HIPK1: variants seen among roughly 807,000 people sequenced by gnomAD.
HIPK1 encodes homeodomain interacting protein kinase 1.
HIPK1 carries 28 observed loss-of-function variants against 117.1 expected under a neutral mutation model. The ratio of observed to expected loss-of-function variants is 0.24; its 90% confidence interval spans 0.18 to 0.33. The LOEUF (loss-of-function observed/expected upper bound fraction) is 0.33, where lower values mean the gene tolerates loss of function less well. Ranked by LOEUF, HIPK1 falls within the 10% of genes least tolerant of loss-of-function variation. HIPK1 has a pLI of 1.00. For missense variants in HIPK1, 1,122 were observed against 1,475.1 expected (o/e 0.76, Z 3.92); for synonymous variants, 605 against 562.5 (o/e 1.08, Z -1.07).
chr1:113,975,437 ATTCAGGAAGCAGGTG>A lies in HIPK1; in HGVS notation c.*1926_*1940del, dbSNP rs1558154586. ...GCGTTGCTACCTTGCTTCTGTGAGAATTCAGGAAGCAGGTGAGAGGAGTCAAGCCAATATTAAATA... is the reference window on the plus strand; with the variant it reads ...GCGTTGCTACCTTGCTTCTGTGAGAAAGAGGAGTCAAGCCAATATTAAATA... On this transcript the variant is annotated 3_prime_UTR_variant, in exon 16 of 16. Transcript: ENST00000426820. 1 of 152,744 alleles carries A rather than the reference ATTCAGGAAGCAGGTG, an allele frequency of 6.5e-6. No homozygotes were observed. The highest frequency in any genetic ancestry group is 1.5e-5 in the Non-Finnish European group (1 of 68,032). The allele number at this position is 152,744 out of a possible 1,614,324, so 9.5% of individuals were successfully genotyped here. A position where few individuals can be genotyped will look rare whatever the true frequency, so the allele number is the denominator to read the frequency against.
At chr1:113,952,986 G>C in intron 3 of HIPK1, 97 bp downstream of exon 3, 6 of 1,148,182 alleles carry the variant, frequency 5.2e-6, no homozygotes, top group Non-Finnish European at 6.8e-6. Flanking sequence ...GAAGTATTTA[G>C]ATAATAGGGA....
Position 113,946,430 on chromosome 1 carries a change from G to A in HIPK1, c.1076+4971G>A, listed in dbSNP as rs2101224628. Among the ~76,000 whole-genome samples the A allele has an allele frequency of 1.3e-5, 2 of 152,284 alleles. 1 individual carries two copies. The highest frequency in any genetic ancestry group is 4.1e-4 in the South Asian group (2 of 4,824). On this transcript the variant is annotated intron_variant, in intron 2 of 15. Transcript: ENST00000426820. ...ACAGAGTAGTTTTTAAATTGAAAAA[G>A]GGAGAGCAATAGGAGATAAAAATTA...
chr1:113,944,248 T>C (rs1012264342), intron 2 of HIPK1, among the ~76,000 whole-genome samples: 2 of 131,452 alleles, frequency 1.5e-5, no homozygotes, highest in Non-Finnish European at 3.1e-5. Context: ...CTCGGCTCAC[T>C]GCAGCCTCTG....
At chr1:113,949,191 G>T (rs887628366) in intron 2 of HIPK1, among the ~76,000 whole-genome samples, 4 of 152,170 alleles carry the variant, frequency 2.6e-5, no homozygotes, top group Admixed American at 6.5e-5. Context: ...GCCATTCTCT[G>T]TGACCTACCT....
At chr1:113,970,936 A>G (rs1571733614) in intron 14 of HIPK1, among the ~76,000 whole-genome samples, 1 of 152,224 alleles carries the variant, frequency 6.6e-6, no homozygotes, top group East Asian at 1.9e-4. Flanking sequence ...TGCTTCTCAC[A>G]TGGCCCCACC....
chr1:113,931,456 A>T (rs896927686), intron 1 of HIPK1, among the ~76,000 whole-genome samples: 4 of 152,190 alleles, frequency 2.6e-5, no homozygotes, highest in Admixed American at 6.5e-5. Flanking sequence ...AAGCCAGTAA[A>T]GTATCTTAGA....
chr1:113,963,019 G>GTATATTT (rs1390390827), intron 9 of HIPK1, among the ~76,000 whole-genome samples: 1 of 152,150 alleles, frequency 6.6e-6, no homozygotes, highest in African/African-American at 2.4e-5. Context: ...GCAACAAACA[G>GTATATTT]TATATTTTAT....
Position 113,963,513 on chromosome 1 carries a change from G to T in HIPK1, c.2230G>T (p.Ala744Ser), listed in dbSNP as rs755796872. 6.2e-7 allele frequency: 1 copy of T among 1,613,326 alleles called. No individual in the cohort carries two copies. Among genetic ancestry groups the T allele is most frequent in the Non-Finnish European group, 8.5e-7 (1 of 1,179,692 alleles). The change falls in exon 10 of 16, where the codon GCT becomes TCT. Residue 744 changes from alanine (A) to serine (S), a missense_variant. Ala to Ser is a moderately conservative substitution (Grantham distance 99). Transcript: ENST00000426820. ...GCCGGCGCTGGTTGAACAGACTGCC[G>T]CTGTACTGGTAATTCCCCTCACTTG... ...GRPALVEQTA[A>S]VLQAWPGGTQ...
chr1:113,968,369 C>A, intron 12 of HIPK1, 73 bp from the exon 13 acceptor site: 1 of 1,025,030 alleles, frequency 9.8e-7, no homozygotes, highest in Non-Finnish European at 1.5e-6. Flanking sequence ...AATTGGAAAG[C>A]AGTCTGGGGA....
intron 1 of HIPK1, 159 bp downstream of exon 1, chr1:113,929,691 G>C (rs1191393550): frequency 1.2e-6 from 1 of 864,440 alleles, no homozygotes; most frequent in African/African-American, 1.9e-5. Flanking sequence ...AGGAGGCCGA[G>C]GCGGGAGCGC....
intron 1 of HIPK1, among the ~76,000 whole-genome samples, chr1:113,932,835 G>C (rs1669987829): frequency 6.6e-6 from 1 of 151,580 alleles, no homozygotes. Flanking sequence ...ACATCCTTTG[G>C]CATACTAGCA....
rs770751129 is a variant in HIPK1, at chr1:113,962,461, T to C, written c.2103+23T>C. The C allele has an allele frequency of 1.9e-6, 3 of 1,609,724 alleles. No homozygotes were observed. In the East Asian group the frequency reaches 6.7e-5, roughly 36 times the overall value. ...CAGGTAAAAGCTAGAGCAATGTGGA[T>C]ACTCAGTATTGCTAAACACTATTGA... is the stretch of plus-strand genomic sequence containing the variant. On this transcript the variant is annotated intron_variant, in intron 9 of 15. Transcript: ENST00000426820.
chr1:113,941,521 T>G lies in HIPK1; in HGVS notation c.1076+62T>G. On this transcript the variant is annotated intron_variant, in intron 2 of 15. Coordinates refer to ENST00000426820, the MANE Select transcript of HIPK1 (RefSeq NM_198268.3). The surrounding 1 kb of genome is among the most constrained non-coding windows in gnomAD (Gnocchi z 4.9). The stretch of plus-strand genomic sequence containing the variant: ...GAGTTCTGTCCTTATATTTAACATA[T>G]ACCCCGTAGGCTACATATAGCAATG... 1 of 1,250,946 alleles carries G rather than the reference T, an allele frequency of 8.0e-7. No individual in the cohort carries two copies. The highest frequency in any genetic ancestry group is 1.5e-5 in the African/African-American group (1 of 67,380). 77.5% of individuals were successfully genotyped at this position (1,250,946 alleles called of 1,614,324 possible).
Position 113,955,675 on chromosome 1 carries a change from C to T in HIPK1, c.1407+26C>T, listed in dbSNP as rs373774687. On this transcript the variant is annotated intron_variant, in intron 5 of 15. Transcript: ENST00000426820. ...GTGAGTACGGAAAGTTTCAGAAAGT[C>T]AGACATTTATTTTTAATCAGAGACA... The T allele has an allele frequency of 7.1e-6, 9 of 1,275,394 alleles. No homozygotes were observed. The African/African-American group carries it at 1.2e-4, about 17-fold the overall frequency. The allele number at this position is 1,275,394 out of a possible 1,614,324, so 79.0% of individuals were successfully genotyped here. A position where few individuals can be genotyped will look rare whatever the true frequency, so the allele number is the denominator to read the frequency against.
At chr1:113,944,598 C>T (rs1670869392) in intron 2 of HIPK1, among the ~76,000 whole-genome samples, 1 of 151,492 alleles carries the variant, frequency 6.6e-6, no homozygotes, top group South Asian at 2.1e-4. Context: ...GTTCTCCTAG[C>T]TTGGCCTCCT....
At chr1:113,972,094 G>A (rs897440028) in intron 15 of HIPK1, 140 bp downstream of exon 15, 39 of 1,601,832 alleles carry the variant, frequency 2.4e-5, no homozygotes, top group Middle Eastern at 1.9e-4. Flanking sequence ...TATGGCTTAC[G>A]TCGTACCGCA....
At chr1:113,933,441 G>A (rs542509188) in intron 1 of HIPK1, among the ~76,000 whole-genome samples, 177 of 152,294 alleles carry the variant, frequency 1.2e-3, no homozygotes, top group Middle Eastern at 6.8e-3. Flanking sequence ...GCAAGGCCTG[G>A]TAATCCAAAT....
rs1282233774 is a variant in HIPK1 at position 113,973,580 on chromosome 1, A to G, written c.*68A>G. 5 of 1,503,290 alleles carry G rather than the reference A, an allele frequency of 3.3e-6. No individual in the cohort carries two copies. The highest frequency in any genetic ancestry group is 2.3e-5 in the East Asian group (1 of 43,788). 93.1% of individuals were successfully genotyped at this position (1,503,290 alleles called of 1,614,324 possible). ...GGCCCTGCGTTCTTAATATTGGGCT[A>G]TGGAGAGATCCTCCTTTACCCTCTT... On this transcript the variant is annotated 3_prime_UTR_variant, in exon 16 of 16. Coordinates refer to ENST00000426820, the MANE Select transcript of HIPK1 (RefSeq NM_198268.3).
rs1391432819 is a variant in HIPK1 at position 113,977,181 on chromosome 1, G to A, written c.*3669G>A. The stretch of plus-strand genomic sequence containing the variant: ...GTTGAGATGGTTTGTTTTAGGATAG[G>A]AAATGAAATTGCCTCTCAGTGACAG... On this transcript the variant is annotated 3_prime_UTR_variant, in exon 16 of 16. Coordinates refer to ENST00000426820, the MANE Select transcript of HIPK1 (RefSeq NM_198268.3). 2 of 150,174 alleles carry A rather than the reference G, an allele frequency of 1.3e-5. No homozygotes were observed. 9.3% of individuals were successfully genotyped at this position (150,174 alleles called of 1,614,324 possible).
Sources: allele counts gnomAD v4.1 joint callset (sites outside exome capture counted in the v4.1 genomes callset), GRCh38; gene constraint gnomAD v4.1.1; non-coding constraint Gnocchi (gnomAD v3.1); transcripts MANE v1.5; gene names NCBI Gene and HGNC (gene_info 2026-07-23, HGNC 2026-07-21).